DEF8: variants seen among roughly 807,000 people sequenced by gnomAD.
The protein encoded by DEF8 is DEF-8.
DEF8 carries 38 observed loss-of-function variants against 59.1 expected under a neutral mutation model. The observed-to-expected ratio is 0.64, with a 90% CI of 0.50 to 0.84. The LOEUF (loss-of-function observed/expected upper bound fraction) is 0.84, where lower values mean the gene tolerates loss of function less well. Among genes scored for constraint, DEF8 ranks in the 40% least tolerant of loss-of-function variants. The pLI, the probability that DEF8 is intolerant of heterozygous loss-of-function variation, is 0.00. For missense variants in DEF8, 557 were observed against 615.2 expected, an observed-to-expected ratio of 0.91 and a Z score of 1.00; for synonymous variants, 265 against 250.1, an observed-to-expected ratio of 1.06 and a Z score of -0.56.
At chr16:89,958,985 T>G in intron 5 of DEF8, 29 bp from the exon 6 acceptor site, 1 of 1,605,468 alleles carries the variant, frequency 6.2e-7, no homozygotes, top group Non-Finnish European at 8.5e-7. Context: ...AGCTCACCTG[T>G]GACCCCCTCC....
intron 2 of DEF8, among the ~76,000 whole-genome samples, chr16:89,952,023 G>A (rs1489720706): frequency 6.6e-6 from 1 of 152,084 alleles, no homozygotes; most frequent in Non-Finnish European, 1.5e-5. Flanking sequence ...GGCTACAGGC[G>A]CCTGCCACCA....
chr16:89,965,896 A>C lies in DEF8; in HGVS notation c.1289A>C (p.Lys430Thr). The C allele has an allele frequency of 6.2e-7, 1 of 1,613,494 alleles. No homozygotes were observed. The highest frequency in any genetic ancestry group is 8.5e-7 in the Non-Finnish European group (1 of 1,179,734). ...CYYDNSTTCPKCARLSLRKQS... is the reference protein window; with the variant it reads ...CYYDNSTTCPTCARLSLRKQS... The stretch of plus-strand genomic sequence containing the variant: ...TACGACAACTCCACCACTTGTCCCA[A>C]GTGTGCCCGGCTCAGCCTGAGGAAG... Residue 430 changes from lysine (K) to threonine (T), a missense_variant, in exon 13 of 13, where the codon AAG becomes ACG. Transcript: ENST00000563594.
chr16:89,965,535 G>A (rs148922475), intron 12 of DEF8, among the ~76,000 whole-genome samples: 1 of 152,194 alleles, frequency 6.6e-6, no homozygotes, highest in African/African-American at 2.4e-5. Flanking sequence ...TGGGAGCCAG[G>A]GGAGGGATAG....
rs2034596841 is a variant in DEF8, at chr16:89,966,244, G to C, written c.*281G>C. The C allele has an allele frequency of 1.2e-5, 4 of 338,018 alleles. No individual in the cohort carries two copies. The highest frequency in any genetic ancestry group is 9.2e-5 in the South Asian group (3 of 32,506). The allele number at this position is 338,018 out of a possible 1,614,324, so 20.9% of individuals were successfully genotyped here. On this transcript the variant is annotated 3_prime_UTR_variant, in exon 13 of 13. Transcript: ENST00000563594. ...GCAGAACTCCATGGGCAGGGAGCTGGGGGGACATCTCACCTCCCCCATGGC... is the reference window on the plus strand; with the variant it reads ...GCAGAACTCCATGGGCAGGGAGCTGCGGGGACATCTCACCTCCCCCATGGC...
intron 4 of DEF8, 101 bp downstream of exon 4, chr16:89,955,367 T>A: frequency 1.1e-6 from 1 of 948,538 alleles, no homozygotes; most frequent in Non-Finnish European, 1.7e-6. Flanking sequence ...CAGGGCAGTG[T>A]CCTGTGAGCT....
intron 2 of DEF8, 105 bp downstream of exon 2, chr16:89,949,618 G>A (rs191276449): frequency 3.1e-4 from 507 of 1,612,448 alleles, no homozygotes; most frequent in Non-Finnish European, 3.8e-4. Flanking sequence ...GTCACGCCGC[G>A]GGCAGGACGC....
At chr16:89,964,132 C>T (rs1597531979) in intron 10 of DEF8, 38 bp from the exon 11 acceptor site, 5 of 1,613,656 alleles carry the variant, frequency 3.1e-6, no homozygotes, top group Non-Finnish European at 4.2e-6. Flanking sequence ...GAGGGGCCCT[C>T]CCCGGTGCAG....
chr16:89,963,583 A>T (rs2034308087), intron 10 of DEF8, 140 bp downstream of exon 10: 1 of 643,954 alleles, frequency 1.6e-6, no homozygotes, highest in Non-Finnish European at 2.7e-6. Context: ...CCAAGGAACA[A>T]AGCAAACAGG....
In DEF8 at chr16:89,961,829, C is replaced by T. The variant is rs1448619835; in HGVS notation, c.772C>T (p.Arg258Cys). 6.8e-6 allele frequency: 11 copies of T among 1,610,626 alleles called. No individual in the cohort carries two copies. Among genetic ancestry groups the T allele is most frequent in the South Asian group, 1.1e-5 (1 of 90,540 alleles). ...GAACGACCTGGCTGTGATCCCTGCACGCGTTGTACACAACTGGGACTTTGA... is the reference window on the plus strand; with the variant it reads ...GAACGACCTGGCTGTGATCCCTGCATGCGTTGTACACAACTGGGACTTTGA... ...HWNDLAVIPARVVHNWDFEPR... is the reference protein window; with the variant it reads ...HWNDLAVIPACVVHNWDFEPR... Residue 258 changes from arginine (R) to cysteine (C), a missense_variant, in exon 8 of 13, where the codon CGC (arginine) becomes TGC (cysteine). Transcript: ENST00000563594.
chr16:89,959,296 T>C (rs1567798733), intron 6 of DEF8, 141 bp downstream of exon 6: 1 of 1,506,992 alleles, frequency 6.6e-7, no homozygotes, highest in African/African-American at 1.4e-5. Context: ...TAACTAAATA[T>C]GCATTTCCTC....
Position 89,964,200 on chromosome 16 carries a change from G to A in DEF8, c.1033G>A (p.Asp345Asn), listed in dbSNP as rs2034390001. 3 of 1,613,716 alleles carry A rather than the reference G, an allele frequency of 1.9e-6. No individual in the cohort carries two copies. The highest frequency in any genetic ancestry group is 2.5e-6 in the Non-Finnish European group (3 of 1,179,930). The change falls in exon 11 of 13, where the codon GAC (aspartate) becomes AAC (asparagine). Residue 345 changes from aspartate to asparagine, a missense_variant. Transcript: ENST00000563594. ...LQDRQHFVEN[D>N]EMYSVQDLLD... Reference sequence around the variant, plus strand: ...GGATCGGCAGCATTTTGTGGAGAACGACGAGATGTACTCTGTCCAGGACCT... The same window carrying A: ...GGATCGGCAGCATTTTGTGGAGAACAACGAGATGTACTCTGTCCAGGACCT...
intron 9 of DEF8, 65 bp from the exon 10 acceptor site, chr16:89,963,298 G>A (rs1301041286): frequency 9.7e-6 from 14 of 1,437,024 alleles, no homozygotes; most frequent in East Asian, 4.7e-5. Context: ...CCGGGTGTGC[G>A]GCCCACACAG....
intron 4 of DEF8, 49 bp from the exon 5 acceptor site, chr16:89,957,462 A>G (rs769483328): frequency 7.8e-6 from 12 of 1,536,604 alleles, no homozygotes; most frequent in African/African-American, 1.4e-5. Context: ...CTTAACAGGG[A>G]GCTCCTGCAG....
rs2034621065 is a variant in DEF8 at position 89,966,647 on chromosome 16, A to G, written c.*684A>G. On this transcript the variant is annotated 3_prime_UTR_variant, in exon 13 of 13. Transcript: ENST00000563594. Reference sequence around the variant, plus strand: ...TCTATACAACAGCAGGGAAGGGGCCATGGAGCTTTTCCCTGCTGGGTGCTC... The same window carrying G: ...TCTATACAACAGCAGGGAAGGGGCCGTGGAGCTTTTCCCTGCTGGGTGCTC... 1 of 152,650 alleles carries G rather than the reference A, an allele frequency of 6.6e-6. No homozygotes were observed. The allele number at this position is 152,650 out of a possible 1,614,324, so 9.5% of individuals were successfully genotyped here.
At chr16:89,960,046 G>A (rs1053195786) in intron 6 of DEF8, among the ~76,000 whole-genome samples, 6 of 152,134 alleles carry the variant, frequency 3.9e-5, no homozygotes, top group Non-Finnish European at 7.3e-5. Flanking sequence ...GGAATGTTCC[G>A]GTGGGGGCAG....
chr16:89,949,517 T>G lies in DEF8; in HGVS notation c.-11+4T>G, dbSNP rs140789615. 2.5e-6 allele frequency: 4 copies of G among 1,613,150 alleles called. No homozygotes were observed. The highest frequency in any genetic ancestry group is 1.7e-5 in the Admixed American group (1 of 59,998). On this transcript the variant is annotated splice_donor_region_variant and intron_variant, in intron 2 of 12. Transcript: ENST00000563594. ...TGGGCCCTGGCAGGCGATGCAGGTATGGGCAGACAGGACGCTGTTGACTCC... is the reference window on the plus strand; with the variant it reads ...TGGGCCCTGGCAGGCGATGCAGGTAGGGGCAGACAGGACGCTGTTGACTCC...
At chr16:89,960,809 G>C in intron 6 of DEF8, 122 bp from the exon 7 acceptor site, 12 of 992,222 alleles carry the variant, frequency 1.2e-5, no homozygotes, top group Non-Finnish European at 1.8e-5. Context: ...GGTGCCAGGA[G>C]GTCTTAGATT....
Position 89,964,166 on chromosome 16 carries a change from G to A in DEF8, c.1003-4G>A. On this transcript the variant is annotated splice_region_variant and splice_polypyrimidine_tract_variant and intron_variant, in intron 10 of 12. Transcript: ENST00000563594. ...AGGGCGTCACGGCTGCTGGGACTTGGCAGCTCCAGGATCGGCAGCATTTTG... is the reference window on the plus strand; with the variant it reads ...AGGGCGTCACGGCTGCTGGGACTTGACAGCTCCAGGATCGGCAGCATTTTG... 3 of 1,613,872 alleles carry A rather than the reference G, an allele frequency of 1.9e-6. No individual in the cohort carries two copies. Among genetic ancestry groups the A allele is most frequent in the Non-Finnish European group, 2.5e-6 (3 of 1,179,940 alleles).
intron 10 of DEF8, 163 bp from the exon 11 acceptor site, chr16:89,964,007 C>A: frequency 1.1e-6 from 1 of 940,028 alleles, no homozygotes; most frequent in South Asian, 1.3e-5. Flanking sequence ...CCATCTTCCC[C>A]TGTCGGCTTC....
Sources: allele counts gnomAD v4.1 joint callset (sites outside exome capture counted in the v4.1 genomes callset), GRCh38; gene constraint gnomAD v4.1.1; transcripts MANE v1.5; gene names NCBI Gene and HGNC (gene_info 2026-07-23, HGNC 2026-07-21).